The following DIP2C variants were observed in gnomAD, a reference collection of about 807,000 sequenced individuals.
The protein encoded by DIP2C is disco-interacting protein 2 homolog C.
Under a neutral mutation model 192.4 loss-of-function variants are expected in DIP2C, and 33 were observed. The ratio of observed to expected loss-of-function variants is 0.17; its 90% confidence interval spans 0.13 to 0.23. The LOEUF (loss-of-function observed/expected upper bound fraction) is 0.23. DIP2C is among the 10% of genes least tolerant of loss of function. The pLI is 1.00. For synonymous variants in DIP2C, 979 were observed against 864.1 expected, an observed-to-expected ratio of 1.13 and a Z score of -2.33; for missense variants, 1,537 against 2,110.1, an observed-to-expected ratio of 0.73 and a Z score of 5.32.
At chr10:634,576 C>A (rs1854724669) in intron 1 of DIP2C, among the ~76,000 whole-genome samples, 1 of 152,062 alleles carries the variant, frequency 6.6e-6, no homozygotes, top group Admixed American at 6.5e-5. Context: ...AAGAGTGAAA[C>A]CCTGTCTCTA....
intron 1 of DIP2C, among the ~76,000 whole-genome samples, chr10:671,891 A>G (rs112468022): frequency 0.012 from 1,361 of 117,612 alleles, 70 homozygotes; most frequent in African/African-American, 0.029. Flanking sequence ...GGCCATAGAC[A>G]CACGGACGGA....
intron 24 of DIP2C, 107 bp from the exon 25 acceptor site, chr10:349,561 G>C: frequency 6.9e-7 from 1 of 1,455,836 alleles, no homozygotes. Context: ...TACATCACTG[G>C]TTTTTAGAAC....
In DIP2C at chr10:418,017, C is replaced by A. The variant is rs368312944; in HGVS notation, c.739+1048G>T. 1.2e-3 allele frequency among the ~76,000 whole-genome samples: 15 copies of A among 12,482 alleles called. 5 individuals carry two copies. Among genetic ancestry groups the A allele is most frequent in the Non-Finnish European group, 7.5e-4 (4 of 5,316 alleles). 8.2% of individuals were successfully genotyped at this position (12,482 alleles called of 152,430 possible). Reference sequence around the variant, plus strand: ...CCACCTGCACCTGTCAGGGCGCGGACAGGCCTCCCTGTCCACCTGTTCCTG... The same window carrying A: ...CCACCTGCACCTGTCAGGGCGCGGAAAGGCCTCCCTGTCCACCTGTTCCTG... On this transcript the variant is annotated intron_variant, in intron 6 of 36. Coordinates refer to ENST00000280886, the MANE Select transcript of DIP2C (RefSeq NM_014974.3).
At chr10:659,991 G>GA (rs1216316327) in intron 1 of DIP2C, among the ~76,000 whole-genome samples, 1 of 152,174 alleles carries the variant, frequency 6.6e-6, no homozygotes, top group Non-Finnish European at 1.5e-5. Flanking sequence ...CCAGAGAGAG[G>GA]AAAAAATAAT....
At chr10:497,076 A>G (rs1452567902) in intron 1 of DIP2C, among the ~76,000 whole-genome samples, 1 of 152,130 alleles carries the variant, frequency 6.6e-6, no homozygotes, top group East Asian at 1.9e-4. Flanking sequence ...GTGAGCTGAG[A>G]TCGTGCCACT....
chr10:374,921 T>C (rs559249445), intron 17 of DIP2C, among the ~76,000 whole-genome samples: 251 of 152,286 alleles, frequency 1.6e-3, no homozygotes, highest in African/African-American at 5.4e-3. Flanking sequence ...TCAGTTCCCA[T>C]GTGAAATGGT....
intron 32 of DIP2C, among the ~76,000 whole-genome samples, chr10:290,418 C>T (rs1252589601): frequency 6.6e-6 from 1 of 152,218 alleles, no homozygotes; most frequent in African/African-American, 2.4e-5. Flanking sequence ...CTAGAATTTG[C>T]GGTGCAACAC....
At chr10:341,148 G>A (rs1255802425) in intron 29 of DIP2C, 51 bp downstream of exon 29, 3 of 1,612,500 alleles carry the variant, frequency 1.9e-6, no homozygotes, top group Non-Finnish European at 2.5e-6. Flanking sequence ...AAGGTCTGGA[G>A]AGGAAGGTGC....
At chr10:483,309 T>C (rs931932224) in intron 2 of DIP2C, among the ~76,000 whole-genome samples, 6 of 152,244 alleles carry the variant, frequency 3.9e-5, no homozygotes, top group African/African-American at 1.4e-4. Flanking sequence ...GAAAGATGTT[T>C]TCCACGAAGA....
chr10:615,369 A>C (rs975863761), intron 1 of DIP2C, among the ~76,000 whole-genome samples: 1 of 152,198 alleles, frequency 6.6e-6, no homozygotes, highest in Non-Finnish European at 1.5e-5. Context: ...AGCCACCCGC[A>C]TAGGGGCCAC....
rs573947287 is a variant in DIP2C, at chr10:370,547, CCA to C, written c.1992-916_1992-915del. On this transcript the variant is annotated intron_variant, in intron 17 of 36. Coordinates refer to ENST00000280886, the MANE Select transcript of DIP2C (RefSeq NM_014974.3). ...TCAGACCCAACTCTCCCAAGAGCGG[CCA>C]CAGTTTGTTTTGCTCACTGCTGCAT... Among the ~76,000 whole-genome samples the C allele has an allele frequency of 3.3e-5, 5 of 152,352 alleles. No individual in the cohort carries two copies. In the East Asian group the frequency reaches 9.6e-4, roughly 29 times the overall value.
At chr10:571,916 C>T (rs1849838589) in intron 1 of DIP2C, among the ~76,000 whole-genome samples, 1 of 152,202 alleles carries the variant, frequency 6.6e-6, no homozygotes. Context: ...AAAAACTGTC[C>T]ATCAACTGCG....
intron 3 of DIP2C, among the ~76,000 whole-genome samples, chr10:463,052 C>T (rs1358343528): frequency 6.6e-6 from 1 of 152,152 alleles, no homozygotes; most frequent in African/African-American, 2.4e-5. Flanking sequence ...AAACCAACAG[C>T]CAATATCATA....
At chr10:433,897 C>T (rs1445960919) in intron 4 of DIP2C, among the ~76,000 whole-genome samples, 1 of 148,008 alleles carries the variant, frequency 6.8e-6, no homozygotes, top group African/African-American at 2.6e-5. Context: ...GCCCTTTTGT[C>T]TTTTTTTTTC....
chr10:447,463 G>A (rs12774330), intron 3 of DIP2C, among the ~76,000 whole-genome samples: 93 of 95,818 alleles, frequency 9.7e-4, no homozygotes, highest in Middle Eastern at 9.8e-3. Flanking sequence ...AGCAGGACCC[G>A]CTCACTCCCA....
At position 432,374 on chromosome 10, in the gene DIP2C, G is replaced by A. The variant is rs539653216; in HGVS notation, c.394+8497C>T. Among the ~76,000 whole-genome samples, 298 of 152,240 alleles carry A rather than the reference G, an allele frequency of 2.0e-3. 1 individual carries two copies. The highest frequency in any genetic ancestry group is 0.01 in the Middle Eastern group (3 of 294). On this transcript the variant is annotated intron_variant, in intron 4 of 36. Coordinates refer to ENST00000280886, the MANE Select transcript of DIP2C (RefSeq NM_014974.3). ...CTACTGATTCAATTTAACAGATACA[G>A]GCCTATACAGATTGTTTCCTCCTGT... is the stretch of plus-strand genomic sequence containing the variant.
At chr10:385,069 A>AG (rs1157886448) in intron 14 of DIP2C, among the ~76,000 whole-genome samples, 1 of 151,602 alleles carries the variant, frequency 6.6e-6, no homozygotes, top group African/African-American at 2.4e-5. Context: ...AGCAGCTCTC[A>AG]GGGAGCGCCA....
chr10:372,037 G>A (rs1302677695), intron 17 of DIP2C, among the ~76,000 whole-genome samples: 3 of 150,976 alleles, frequency 2.0e-5, no homozygotes, highest in Non-Finnish European at 4.4e-5. Flanking sequence ...GCCCAAAAAC[G>A]TATGTTTTAT....
intron 17 of DIP2C, among the ~76,000 whole-genome samples, chr10:373,941 C>G (rs1231692364): frequency 6.6e-6 from 1 of 152,210 alleles, no homozygotes; most frequent in African/African-American, 2.4e-5. Flanking sequence ...TCCATACTCG[C>G]AATAGCCCCC....
Sources: gnomAD v4.1 joint callset for allele counts (sites outside exome capture counted in the v4.1 genomes callset) on GRCh38, gnomAD v4.1.1 for gene constraint, MANE v1.5 for transcripts, NCBI Gene and HGNC (gene_info 2026-07-23, HGNC 2026-07-21) for gene names.